BNC2: variants seen among roughly 807,000 people sequenced by gnomAD.
BNC2 encodes the protein basonuclin zinc finger protein 2.
In BNC2, 20 loss-of-function variants were observed where a neutral mutation model predicts 76.3. That is an observed-to-expected ratio of 0.26 (90% CI 0.18 to 0.38). The LOEUF is 0.38. Among genes scored for constraint, BNC2 ranks in the 10% least tolerant of loss-of-function variants. BNC2 has a pLI of 1.00. For synonymous variants in BNC2, 582 were observed against 514.8 expected, an observed-to-expected ratio of 1.13 and a Z score of -1.77; for missense variants, 1,382 against 1,399.8, an observed-to-expected ratio of 0.99 and a Z score of 0.20.
At chr9:16,535,222 G>C (rs533547338) in intron 5 of BNC2, among the ~76,000 whole-genome samples, 1 of 152,176 alleles carries the variant, frequency 6.6e-6, no homozygotes, top group Non-Finnish European at 1.5e-5. Context: ...AAAACACTTG[G>C]TGTCATTTAC....
intron 3 of BNC2, among the ~76,000 whole-genome samples, chr9:16,645,192 G>C (rs1183044282): frequency 6.6e-6 from 1 of 152,160 alleles, no homozygotes; most frequent in East Asian, 1.9e-4. Context: ...AAGAAGATTT[G>C]AAAGAGTAGA....
intron 3 of BNC2, among the ~76,000 whole-genome samples, chr9:16,634,126 G>C (rs988678124): frequency 5.9e-5 from 9 of 152,100 alleles, no homozygotes; most frequent in African/African-American, 2.2e-4. Flanking sequence ...GTTCTGACAG[G>C]ACTATTTATA....
chr9:16,780,602 A>G (rs1370280984), intron 1 of BNC2, among the ~76,000 whole-genome samples: 1 of 152,142 alleles, frequency 6.6e-6, no homozygotes, highest in African/African-American at 2.4e-5. Flanking sequence ...GGTGAATTGT[A>G]TATTATGGGA....
chr9:16,736,240 A>G (rs1166671507), intron 2 of BNC2, among the ~76,000 whole-genome samples: 2 of 151,714 alleles, frequency 1.3e-5, no homozygotes, highest in Non-Finnish European at 2.9e-5. Flanking sequence ...AAAGAAAGAA[A>G]AAAGAAAACC....
intron 1 of BNC2, among the ~76,000 whole-genome samples, chr9:16,774,089 C>G (rs2135484032): frequency 6.6e-6 from 1 of 152,260 alleles, no homozygotes; most frequent in African/African-American, 2.4e-5. Flanking sequence ...TCAAGGGAGT[C>G]TCATGCCTTA....
At chr9:16,781,998 T>C (rs1197635767) in intron 1 of BNC2, among the ~76,000 whole-genome samples, 1 of 152,118 alleles carries the variant, frequency 6.6e-6, no homozygotes, top group Non-Finnish European at 1.5e-5. Flanking sequence ...TTTAATAATT[T>C]TGTATAGGCT....
At chr9:16,634,805 T>C (rs1014765899) in intron 3 of BNC2, among the ~76,000 whole-genome samples, 1 of 152,066 alleles carries the variant, frequency 6.6e-6, no homozygotes, top group African/African-American at 2.4e-5. Flanking sequence ...CCGGCCCAAA[T>C]ACCTCATTCT....
At chr9:16,421,349 G>T in intron 6 of BNC2, 1 of 1,139,096 alleles carries the variant, frequency 8.8e-7, no homozygotes, top group African/African-American at 1.6e-5. Context: ...GAGAAAGAAA[G>T]AGAAAGAGAG....
At chr9:16,803,397 T>C (rs1817829593) in intron 1 of BNC2, among the ~76,000 whole-genome samples, 1 of 152,222 alleles carries the variant, frequency 6.6e-6, no homozygotes, top group Non-Finnish European at 1.5e-5. Flanking sequence ...TAATGAGTTT[T>C]ATTACAACGA....
intron 1 of BNC2, among the ~76,000 whole-genome samples, chr9:16,752,622 T>G (rs1825254147): frequency 1.3e-5 from 2 of 150,544 alleles, no homozygotes; most frequent in Non-Finnish European, 3.0e-5. Flanking sequence ...CTAGATTTTT[T>G]TAATGACACA....
intron 4 of BNC2, among the ~76,000 whole-genome samples, chr9:16,571,967 C>T (rs773667012): frequency 6.6e-6 from 1 of 151,958 alleles, no homozygotes; most frequent in Non-Finnish European, 1.5e-5. Context: ...AGAAAAAACA[C>T]CTCCCTAGCC....
rs149545273 is a variant in BNC2, at chr9:16,622,062, G to C, written c.331-38977C>G. Among the ~76,000 whole-genome samples, 392 of 152,158 alleles carry C rather than the reference G, an allele frequency of 2.6e-3. 2 individuals carry two copies. Among genetic ancestry groups the C allele is most frequent in the African/African-American group, 8.9e-3 (371 of 41,512 alleles). On this transcript the variant is annotated intron_variant, in intron 3 of 6. Transcript: ENST00000380672. Reference sequence around the variant, plus strand: ...TCTTGTCCATTTCAATCTCTTGTTGGTTGTGATGACCGTGGTCTTCTTAAC... The same window carrying C: ...TCTTGTCCATTTCAATCTCTTGTTGCTTGTGATGACCGTGGTCTTCTTAAC...
intron 5 of BNC2, among the ~76,000 whole-genome samples, chr9:16,538,453 G>C (rs1184501948): frequency 6.6e-6 from 1 of 152,146 alleles, no homozygotes; most frequent in African/African-American, 2.4e-5. Flanking sequence ...ATTCCACAGA[G>C]ATCGTCTCGT....
chr9:16,435,226 C>A (rs1489347880), intron 6 of BNC2: 1 of 396,548 alleles, frequency 2.5e-6, no homozygotes, highest in South Asian at 2.3e-5. Flanking sequence ...AGTGAAGGTT[C>A]ACGGGGAAGC....
intron 3 of BNC2, among the ~76,000 whole-genome samples, chr9:16,660,002 C>T (rs1454717022): frequency 6.6e-6 from 1 of 152,188 alleles, no homozygotes; most frequent in Admixed American, 6.5e-5. Flanking sequence ...TGTATTCAGC[C>T]AAATTATTCC....
At chr9:16,797,464 G>A in intron 1 of BNC2, among the ~76,000 whole-genome samples, 1 of 152,122 alleles carries the variant, frequency 6.6e-6, no homozygotes, top group East Asian at 1.9e-4. Flanking sequence ...ATCTCATTAT[G>A]ACTTCACCAT....
chr9:16,457,641 G>A (rs1821483467), intron 5 of BNC2, among the ~76,000 whole-genome samples: 1 of 152,184 alleles, frequency 6.6e-6, no homozygotes, highest in South Asian at 2.1e-4. Context: ...GGTCACGTAG[G>A]CATGCTTTGC....
intron 4 of BNC2, chr9:16,580,281 G>C (rs145457359): frequency 2.7e-4 from 107 of 397,530 alleles, no homozygotes; most frequent in Non-Finnish European, 3.9e-4. Context: ...TGAATGGGGA[G>C]AGTGTGGGAT....
At chr9:16,475,038 G>C (rs1279721632) in intron 5 of BNC2, among the ~76,000 whole-genome samples, 1 of 152,144 alleles carries the variant, frequency 6.6e-6, no homozygotes, top group Admixed American at 6.5e-5. Context: ...AATATTAAAA[G>C]GCTTTTCCAC....
Sources: allele counts gnomAD v4.1 joint callset (sites outside exome capture counted in the v4.1 genomes callset), GRCh38; gene constraint gnomAD v4.1.1; transcripts MANE v1.5; gene names NCBI Gene and HGNC (gene_info 2026-07-23, HGNC 2026-07-21).